CDCA4: variants seen among roughly 807,000 people sequenced by gnomAD.
The protein encoded by CDCA4 is cell division cycle-associated protein 4.
For missense variants in CDCA4, 294 were observed against 322.1 expected (o/e 0.91, Z 0.67); for synonymous variants, 130 against 137.0 (o/e 0.95, Z 0.36).
chr14:105,016,602 C>T (rs1224327148), intron 1 of CDCA4, among the ~76,000 whole-genome samples: 2 of 152,228 alleles, frequency 1.3e-5, no homozygotes, highest in Non-Finnish European at 2.9e-5. Context: ...AGCGTTCCTT[C>T]CCTCCTCCAC....
Position 105,011,689 on chromosome 14 carries a change from T to C in CDCA4, c.241A>G (p.Thr81Ala), listed in dbSNP as rs1029224660. 3 of 1,613,714 alleles carry C rather than the reference T, an allele frequency of 1.9e-6. No homozygotes were observed. Among genetic ancestry groups the C allele is most frequent in the African/African-American group, 2.7e-5 (2 of 75,070 alleles). The change falls in exon 2 of 2, where the codon ACA becomes GCA. Residue 81 changes from threonine (T) to alanine (A), a missense_variant. Transcript: ENST00000336219. ...CGCTCTGCAGCCTGGGGTGCCACTGTGCGCCACGTCCCATCCTGCGTCATC... is the reference window on the plus strand; with the variant it reads ...CGCTCTGCAGCCTGGGGTGCCACTGCGCGCCACGTCCCATCCTGCGTCATC... ...EEMTQDGTWR[T>A]VAPQAAERAP...
chr14:105,011,852 T>G lies in CDCA4; in HGVS notation c.78A>C (p.Thr26=), dbSNP rs137892580. The G allele has an allele frequency of 1.8e-4, 286 of 1,613,828 alleles. No individual in the cohort carries two copies. Among genetic ancestry groups the G allele is most frequent in the Non-Finnish European group, 2.3e-4 (273 of 1,180,036 alleles). Reference sequence around the variant, plus strand: ...GCCGCTGCAGGCTGTATGAGGACACTGTCTTCAAGCCGGCCAGGGCTCCCT... The same window carrying G: ...GCCGCTGCAGGCTGTATGAGGACACGGTCTTCAAGCCGGCCAGGGCTCCCT... ...DVEGALAGLK[T]VSSYSLQRQS... is the part of the protein sequence containing the mutation. The change falls in exon 2 of 2, where the codon ACA becomes ACC. Residue 26 remains threonine (T), a synonymous_variant. Coordinates refer to ENST00000336219, the MANE Select transcript of CDCA4 (RefSeq NM_017955.4).
intron 1 of CDCA4, among the ~76,000 whole-genome samples, chr14:105,016,225 C>T (rs528350477): frequency 7.2e-4 from 110 of 152,318 alleles, no homozygotes; most frequent in Non-Finnish European, 9.3e-4. Context: ...AACGAATTTT[C>T]TCCCAGGATC....
chr14:105,020,603 G>A (rs1185418333), intron 1 of CDCA4, among the ~76,000 whole-genome samples: 1 of 152,214 alleles, frequency 6.6e-6, no homozygotes, highest in Non-Finnish European at 1.5e-5. Flanking sequence ...GGGGGCTGCG[G>A]CGCGCCTGGC....
chr14:105,011,709 G>A lies in CDCA4; in HGVS notation c.221C>T (p.Thr74Met), dbSNP rs375561549. The A allele has an allele frequency of 1.5e-5, 25 of 1,613,672 alleles. No individual in the cohort carries two copies. Among genetic ancestry groups the A allele is most frequent in the Admixed American group, 6.7e-5 (4 of 60,024 alleles). Reference sequence around the variant, plus strand: ...CACTGTGCGCCACGTCCCATCCTGCGTCATCTCCTCTTGGATCTGCCGGAC... The same window carrying A: ...CACTGTGCGCCACGTCCCATCCTGCATCATCTCCTCTTGGATCTGCCGGAC... ...NTVRQIQEEM[T>M]QDGTWRTVAP... The change falls in exon 2 of 2, where the codon ACG becomes ATG. Residue 74 changes from threonine (T) to methionine (M), a missense_variant. Thr to Met is a moderately conservative substitution (Grantham distance 81). Coordinates refer to ENST00000336219, the MANE Select transcript of CDCA4 (RefSeq NM_017955.4).
In CDCA4 at chr14:105,011,145, G is replaced by A. The variant is rs1347277337; in HGVS notation, c.*59C>T. The A allele has an allele frequency of 6.5e-7, 1 of 1,527,650 alleles. No individual in the cohort carries two copies. Among genetic ancestry groups the A allele is most frequent in the Non-Finnish European group, 8.8e-7 (1 of 1,139,054 alleles). 94.6% of individuals were successfully genotyped at this position (1,527,650 alleles called of 1,614,324 possible). A position where few individuals can be genotyped will look rare whatever the true frequency, so the allele number is the denominator to read the frequency against. On this transcript the variant is annotated 3_prime_UTR_variant, in exon 2 of 2. Coordinates refer to ENST00000336219, the MANE Select transcript of CDCA4 (RefSeq NM_017955.4). Reference sequence around the variant, plus strand: ...GCTGGCGGCAGGCGCACCCTCCGTGGGAGCCAGTGCTCACGTGTCAATGCG... The same window carrying A: ...GCTGGCGGCAGGCGCACCCTCCGTGAGAGCCAGTGCTCACGTGTCAATGCG...
intron 1 of CDCA4, among the ~76,000 whole-genome samples, chr14:105,012,729 CT>C (rs1448058998): frequency 2.6e-5 from 4 of 152,216 alleles, no homozygotes; most frequent in Non-Finnish European, 5.9e-5. Flanking sequence ...ACACCCATTC[CT>C]TGGCTCCCCC....
chr14:105,011,160 G>T lies in CDCA4; in HGVS notation c.*44C>A. 10 of 1,557,020 alleles carry T rather than the reference G, an allele frequency of 6.4e-6. No individual in the cohort carries two copies. Among genetic ancestry groups the T allele is most frequent in the Non-Finnish European group, 8.7e-6 (10 of 1,152,144 alleles). On this transcript the variant is annotated 3_prime_UTR_variant, in exon 2 of 2. Coordinates refer to ENST00000336219, the MANE Select transcript of CDCA4 (RefSeq NM_017955.4). ...ACCCTCCGTGGGAGCCAGTGCTCAC[G>T]TGTCAATGCGTCAGAGGCGGCTGTG... is the stretch of plus-strand genomic sequence containing the variant.
chr14:105,011,767 T>C lies in CDCA4; in HGVS notation c.163A>G (p.Asn55Asp). The C allele has an allele frequency of 1.2e-6, 2 of 1,613,690 alleles. No individual in the cohort carries two copies. The highest frequency in any genetic ancestry group is 1.7e-6 in the Non-Finnish European group (2 of 1,180,008). The change falls in exon 2 of 2, where the codon AAC (asparagine) becomes GAC (aspartate). Residue 55 changes from asparagine (N) to aspartate (D), a missense_variant. By Grantham distance (23) the Asn-to-Asp change is conservative (BLOSUM62 1). Transcript: ENST00000336219. ...LQLCHMLVEP[N>D]LCRSVLIANT... ...GCAATGAGGACTGAGCGGCACAGGT[T>C]GGGCTCCACAAGCATGTGGCAAAGC...
In CDCA4 at chr14:105,011,381, G is replaced by A. The variant is rs375645068; in HGVS notation, c.549C>T (p.Asp183=). Residue 183 remains aspartate (D), a synonymous_variant, in exon 2 of 2, where the codon GAC becomes GAT. Coordinates refer to ENST00000336219, the MANE Select transcript of CDCA4 (RefSeq NM_017955.4). ...NPSCMEELFS[D]VDSPYYDLDT... ...CCAGGTCGTAGTAGGGGCTGTCCAC[G>A]TCTGAGAACAGCTCTTCCATGCAGC... 310 of 1,614,184 alleles carry A rather than the reference G, an allele frequency of 1.9e-4. No homozygotes were observed. Among genetic ancestry groups the A allele is most frequent in the Non-Finnish European group, 2.5e-4 (294 of 1,180,000 alleles).
At chr14:105,017,630 G>A (rs1461326120) in intron 1 of CDCA4, among the ~76,000 whole-genome samples, 2 of 152,124 alleles carry the variant, frequency 1.3e-5, no homozygotes, top group East Asian at 2.0e-4. Context: ...AGGAGATTGA[G>A]ACCATCCTGG....
chr14:105,019,635 G>T (rs560797345), intron 1 of CDCA4, among the ~76,000 whole-genome samples: 1 of 152,272 alleles, frequency 6.6e-6, no homozygotes, highest in Admixed American at 6.5e-5. Context: ...TGAGTACTGA[G>T]TGGGAGCTCC....
intron 1 of CDCA4, among the ~76,000 whole-genome samples, chr14:105,018,020 T>C (rs987586567): frequency 6.6e-6 from 1 of 152,050 alleles, no homozygotes; most frequent in Non-Finnish European, 1.5e-5. Flanking sequence ...TAGGATTCTA[T>C]TGATCTGAAC....
chr14:105,012,311 T>C (rs956774101), intron 1 of CDCA4, among the ~76,000 whole-genome samples: 22 of 152,246 alleles, frequency 1.4e-4, no homozygotes, highest in Admixed American at 1.4e-3. Context: ...AACTGTGGTG[T>C]GTACAAAAGA....
chr14:105,014,527 C>T lies in CDCA4; in HGVS notation c.-6-2592G>A, dbSNP rs913411124. On this transcript the variant is annotated intron_variant, in intron 1 of 1. Coordinates refer to ENST00000336219, the MANE Select transcript of CDCA4 (RefSeq NM_017955.4). ...CACCGCCTCTCACACCTGCATACAC[C>T]AGCTTCTCAACTAATTCTAAATGAA... Among the ~76,000 whole-genome samples, 2 of 152,220 alleles carry T rather than the reference C, an allele frequency of 1.3e-5. 1 individual carries two copies. Among genetic ancestry groups the T allele is most frequent in the South Asian group, 4.1e-4 (2 of 4,832 alleles).
chr14:105,015,547 T>G (rs1900628902), intron 1 of CDCA4, among the ~76,000 whole-genome samples: 2 of 78,214 alleles, frequency 2.6e-5, no homozygotes, highest in South Asian at 8.9e-4. Context: ...AACAATCATT[T>G]CCATAGCAAG....
At chr14:105,017,672 A>G (rs924227142) in intron 1 of CDCA4, among the ~76,000 whole-genome samples, 1 of 152,112 alleles carries the variant, frequency 6.6e-6, no homozygotes, top group Non-Finnish European at 1.5e-5. Flanking sequence ...TCTACTAAAA[A>G]TACAAAAGAT....
In CDCA4 at chr14:105,010,415, A is replaced by C. The variant is rs766980847; in HGVS notation, c.*789T>G. Reference sequence around the variant, plus strand: ...GGTGCCTGTGATCTACAAACAGACAAATATTTGACCTTTGTCTTCAATGAC... The same window carrying C: ...GGTGCCTGTGATCTACAAACAGACACATATTTGACCTTTGTCTTCAATGAC... On this transcript the variant is annotated 3_prime_UTR_variant, in exon 2 of 2. Transcript: ENST00000336219. The C allele has an allele frequency of 2.0e-5, 3 of 152,228 alleles. No individual in the cohort carries two copies. Among genetic ancestry groups the C allele is most frequent in the Non-Finnish European group, 4.4e-5 (3 of 68,028 alleles). The allele number at this position is 152,228 out of a possible 1,614,324, so 9.4% of individuals were successfully genotyped here.
chr14:105,012,760 T>C (rs920421951), intron 1 of CDCA4, among the ~76,000 whole-genome samples: 1 of 151,554 alleles, frequency 6.6e-6, no homozygotes, highest in Non-Finnish European at 1.5e-5. Flanking sequence ...CACCAGTTCA[T>C]TTCTCCCAAG....
Sources: allele counts gnomAD v4.1 joint callset (sites outside exome capture counted in the v4.1 genomes callset), GRCh38; gene constraint gnomAD v4.1.1; transcripts MANE v1.5; gene names NCBI Gene and HGNC (gene_info 2026-07-23, HGNC 2026-07-21).